The following SLC26A11 variants were observed in gnomAD, a reference collection of about 807,000 sequenced individuals.
SLC26A11 encodes the protein sodium-independent sulfate anion transporter.
A neutral mutation model predicts 62.2 loss-of-function variants in SLC26A11; 58 were observed. That is an observed-to-expected ratio of 0.93 (90% CI 0.76 to 1.16). SLC26A11 has a LOEUF of 1.16. Ranked by LOEUF, SLC26A11 falls within the 50% of genes most tolerant of loss-of-function variation. The probability of loss-of-function intolerance (pLI) is 0.00; values close to 1 mark genes in which losing one functional copy is unlikely to be tolerated. For missense variants in SLC26A11, 790 were observed against 794.3 expected (o/e 0.99, Z 0.06); for synonymous variants, 411 against 368.9 (o/e 1.11, Z -1.31).
rs2042223386 is a variant in SLC26A11, at chr17:80,222,013, A to G, written c.234+219A>G. The G allele has an allele frequency of 1.8e-6, 1 of 558,254 alleles. No individual in the cohort carries two copies. The highest frequency in any genetic ancestry group is 3.1e-6 in the Non-Finnish European group (1 of 322,632). 34.6% of individuals were successfully genotyped at this position (558,254 alleles called of 1,614,324 possible). On this transcript the variant is annotated intron_variant, in intron 3 of 17. Coordinates refer to ENST00000361193, the MANE Select transcript of SLC26A11 (RefSeq NM_001166347.2). This position sits in a 1 kb window ranked among gnomAD's most constrained non-coding sequence, Gnocchi z 4.7. ...AGCTGGTTATGGAGGGGCCAGCGAG[A>G]TGACTCATGGAGGCCTCAGGAGTTC...
chr17:80,249,294 G>T lies in SLC26A11; in HGVS notation c.1656+7G>T. 6.2e-7 allele frequency: 1 copy of T among 1,609,278 alleles called. No individual in the cohort carries two copies. The highest frequency in any genetic ancestry group is 8.5e-7 in the Non-Finnish European group (1 of 1,179,956). On this transcript the variant is annotated splice_region_variant and intron_variant, in intron 16 of 17. Transcript: ENST00000361193. ...GGCCTTTGTGGGCCTGCAGGTGGGT[G>T]TGCACTGGGCTGCCTTAGGGGTTAG...
At chr17:80,240,139 G>A (rs546386762) in intron 9 of SLC26A11, among the ~76,000 whole-genome samples, 36 of 152,206 alleles carry the variant, frequency 2.4e-4, no homozygotes, top group African/African-American at 6.7e-4. Flanking sequence ...AGGCCGAGGC[G>A]GGTGGATCAC....
At chr17:80,224,412 TGTGA>T (rs1325288756) in intron 5 of SLC26A11, among the ~76,000 whole-genome samples, 123 of 138,250 alleles carry the variant, frequency 8.9e-4, no homozygotes, top group African/African-American at 2.5e-3. Flanking sequence ...TGAGAGTGAG[TGTGA>T]GTGAGTGAGA....
intron 6 of SLC26A11, 88 bp from the exon 7 acceptor site, chr17:80,227,730 C>A: frequency 6.6e-7 from 1 of 1,525,910 alleles, no homozygotes; most frequent in Non-Finnish European, 8.8e-7. Context: ...CTTCTTAGTG[C>A]CTCTCAGCTT....
chr17:80,223,194 C>T lies in SLC26A11; in HGVS notation c.428-58C>T. 1.3e-6 allele frequency: 2 copies of T among 1,509,386 alleles called. No individual in the cohort carries two copies. The highest frequency in any genetic ancestry group is 1.1e-5 in the South Asian group (1 of 88,098). 93.5% of individuals were successfully genotyped at this position (1,509,386 alleles called of 1,614,324 possible). On this transcript the variant is annotated intron_variant, in intron 4 of 17. Coordinates refer to ENST00000361193, the MANE Select transcript of SLC26A11 (RefSeq NM_001166347.2). The surrounding 1 kb of genome is among the most constrained non-coding windows in gnomAD (Gnocchi z 4.6). ...ACCTTCCCCAGCTCACATCTCCCCTCATCCTCTGGGACTGGGTGGAGCCGG... is the reference window on the plus strand; with the variant it reads ...ACCTTCCCCAGCTCACATCTCCCCTTATCCTCTGGGACTGGGTGGAGCCGG...
intron 13 of SLC26A11, among the ~76,000 whole-genome samples, chr17:80,247,384 G>A (rs1012538938): frequency 1.3e-5 from 2 of 152,146 alleles, no homozygotes; most frequent in South Asian, 2.1e-4. Flanking sequence ...GGTGGTGGCC[G>A]GGCAGAGGGG....
In SLC26A11 at chr17:80,223,120, A is replaced by AC; in HGVS notation, c.428-127dup. On this transcript the variant is annotated intron_variant, in intron 4 of 17. Coordinates refer to ENST00000361193, the MANE Select transcript of SLC26A11 (RefSeq NM_001166347.2). The surrounding 1 kb of genome is among the most constrained non-coding windows in gnomAD (Gnocchi z 4.6). Reference sequence around the variant, plus strand: ...CAAAAACAGCCAAACAGGGTGTGTTACCCCCAGTCCTTAGCTGCGGTATCT... The same window carrying AC: ...CAAAAACAGCCAAACAGGGTGTGTTACCCCCCAGTCCTTAGCTGCGGTATCT... The AC allele has an allele frequency of 3.5e-6, 3 of 863,160 alleles. No individual in the cohort carries two copies. The highest frequency in any genetic ancestry group is 3.8e-6 in the Non-Finnish European group (2 of 531,808). 53.5% of individuals were successfully genotyped at this position (863,160 alleles called of 1,614,324 possible).
chr17:80,229,833 G>T (rs976843096), intron 7 of SLC26A11, among the ~76,000 whole-genome samples: 16 of 152,164 alleles, frequency 1.1e-4, no homozygotes, highest in Admixed American at 5.9e-4. Context: ...AGGATCTCAG[G>T]CCCCACCCCA....
In SLC26A11 at chr17:80,251,346, C is replaced by G. The variant is rs542946796; in HGVS notation, c.1674C>G (p.Val558=). 2.5e-6 allele frequency: 4 copies of G among 1,614,082 alleles called. No individual in the cohort carries two copies. The East Asian group carries it at 8.9e-5, about 36-fold the overall frequency. Residue 558 remains valine, a synonymous_variant, in exon 17 of 18, where the codon GTC becomes GTG. Coordinates refer to ENST00000361193, the MANE Select transcript of SLC26A11 (RefSeq NM_001166347.2). Reference sequence around the variant, plus strand: ...TCTCTCAGGTCCCCGTTCTCCGTGTCCTGCTGTCCGCTGACCTGAAGGGGT... The same window carrying G: ...TCTCTCAGGTCCCCGTTCTCCGTGTGCTGCTGTCCGCTGACCTGAAGGGGT... ...FVGLQVPVLR[V]LLSADLKGFQ...
intron 10 of SLC26A11, among the ~76,000 whole-genome samples, chr17:80,242,406 G>A (rs539165017): frequency 1.4e-4 from 22 of 152,348 alleles, no homozygotes; most frequent in South Asian, 6.2e-4. Context: ...CTGACCCTGA[G>A]GTCTGTGGCC....
rs2043171274 is a variant in SLC26A11, at chr17:80,252,040, C to T, written c.1730-585C>T. 6.6e-6 allele frequency among the ~76,000 whole-genome samples: 1 copy of T among 152,106 alleles called. No homozygotes were observed. ...GTCAGGAGATCCAGAAGCCCCGGGA[C>T]AGAAGGTACGGGAGGGACAGGAGCA... On this transcript the variant is annotated intron_variant, in intron 17 of 17. Transcript: ENST00000361193. This position sits in a 1 kb window ranked among gnomAD's most constrained non-coding sequence, Gnocchi z 5.2.
At chr17:80,229,681 C>T (rs1292268729) in intron 7 of SLC26A11, among the ~76,000 whole-genome samples, 12 of 152,126 alleles carry the variant, frequency 7.9e-5, no homozygotes, top group Admixed American at 7.9e-4. Context: ...CCGCCCGCCT[C>T]AGCCTCCCAA....
At chr17:80,249,783 G>T (rs551571743) in intron 16 of SLC26A11, among the ~76,000 whole-genome samples, 1 of 152,096 alleles carries the variant, frequency 6.6e-6, no homozygotes, top group Non-Finnish European at 1.5e-5. Flanking sequence ...GGTGGCGAGC[G>T]CCTGTAATTC....
At chr17:80,224,485 A>C (rs2042349513) in intron 5 of SLC26A11, among the ~76,000 whole-genome samples, 1 of 151,956 alleles carries the variant, frequency 6.6e-6, no homozygotes, top group Non-Finnish European at 1.5e-5. Context: ...GTGAGAATAA[A>C]GTAGACACTT....
Position 80,252,719 on chromosome 17 carries a change from G to C in SLC26A11, c.*3G>C, listed in dbSNP as rs769622716. ...AGGTTGCCCTGCTCAAGGCATAATGGGGCCACCCGTGGGCATCCACAGTTT... is the reference window on the plus strand; with the variant it reads ...AGGTTGCCCTGCTCAAGGCATAATGCGGCCACCCGTGGGCATCCACAGTTT... On this transcript the variant is annotated 3_prime_UTR_variant, in exon 18 of 18. Coordinates refer to ENST00000361193, the MANE Select transcript of SLC26A11 (RefSeq NM_001166347.2). This position sits in a 1 kb window ranked among gnomAD's most constrained non-coding sequence, Gnocchi z 5.2. 1.4e-5 allele frequency: 23 copies of C among 1,612,846 alleles called. No homozygotes were observed. Among genetic ancestry groups the C allele is most frequent in the Non-Finnish European group, 1.9e-5 (23 of 1,179,560 alleles).
At chr17:80,234,746 CT>C (rs1234040555) in intron 7 of SLC26A11, among the ~76,000 whole-genome samples, 1 of 151,366 alleles carries the variant, frequency 6.6e-6, no homozygotes, top group Non-Finnish European at 1.5e-5. Context: ...ACATTTTAGT[CT>C]TTTTTTTCTG....
chr17:80,246,541 A>G lies in SLC26A11; in HGVS notation c.1186A>G (p.Thr396Ala). 1.2e-6 allele frequency: 2 copies of G among 1,612,952 alleles called. No homozygotes were observed. The highest frequency in any genetic ancestry group is 1.7e-6 in the Non-Finnish European group (2 of 1,179,940). The change falls in exon 13 of 18, where the codon ACC becomes GCC. Residue 396 changes from threonine to alanine, a missense_variant. Thr to Ala is a moderately conservative substitution (Grantham distance 58). Transcript: ENST00000361193. The surrounding 1 kb of genome is among the most constrained non-coding windows in gnomAD (Gnocchi z 4.4). ...GGTGCTGCTGTCTCTGGACTACCTGACCTCACTGTTCTACTACATCCCCAA... is the reference window on the plus strand; with the variant it reads ...GGTGCTGCTGTCTCTGGACTACCTGGCCTCACTGTTCTACTACATCCCCAA... Reference protein sequence around the residue: ...VLVLLSLDYLTSLFYYIPKSA... With the variant: ...VLVLLSLDYLASLFYYIPKSA...
chr17:80,225,638 AGCTTTGATCTCCT>A, intron 5 of SLC26A11, 186 bp from the exon 6 acceptor site: 2 of 579,428 alleles, frequency 3.5e-6, no homozygotes, highest in Non-Finnish European at 6.2e-6. Context: ...CCACGAGGGT[AGCTTTGATCTCCT>A]GCCCTAGGGG....
chr17:80,248,140 G>A lies in SLC26A11; in HGVS notation c.1305G>A (p.Leu435=). 2 of 1,603,382 alleles carry A rather than the reference G, an allele frequency of 1.2e-6. No homozygotes were observed. Among genetic ancestry groups the A allele is most frequent in the East Asian group, 2.2e-5 (1 of 44,842 alleles). Residue 435 remains leucine, a synonymous_variant, in exon 14 of 18, where the codon CTG becomes CTA. Coordinates refer to ENST00000361193, the MANE Select transcript of SLC26A11 (RefSeq NM_001166347.2). ...RTLWRVKRLD[L]LPLCVTFLLC... ...GTGCCCTTCTCCTAGGGCTGGACCT[G>A]CTGCCCCTGTGCGTGACCTTCCTGC...
Sources: gnomAD v4.1 joint callset for allele counts (sites outside exome capture counted in the v4.1 genomes callset) on GRCh38, gnomAD v4.1.1 for gene constraint, Gnocchi (gnomAD v3.1) non-coding constraint, MANE v1.5 for transcripts, NCBI Gene and HGNC (gene_info 2026-07-23, HGNC 2026-07-21) for gene names.